The following ITSN2 variants were observed in gnomAD, a reference collection of about 807,000 sequenced individuals.
The protein encoded by ITSN2 is intersectin 2, also known as intersectin-2.
Under a neutral mutation model 243.7 loss-of-function variants are expected in ITSN2, and 156 were observed. The ratio of observed to expected loss-of-function variants is 0.64; its 90% CI spans 0.56 to 0.73. The LOEUF (loss-of-function observed/expected upper bound fraction) is 0.73, where lower values mean the gene tolerates loss of function less well. Among genes scored for constraint, ITSN2 ranks in the 30% least tolerant of loss-of-function variants. ITSN2 has a pLI of 0.00. For missense variants in ITSN2, 1,801 were observed against 1,996.1 expected, an observed-to-expected ratio of 0.90 and a Z score of 1.86; for synonymous variants, 703 against 699.9, an observed-to-expected ratio of 1.00 and a Z score of -0.07.
chr2:24,292,637 T>G (rs926135114), intron 15 of ITSN2, among the ~76,000 whole-genome samples: 1 of 152,214 alleles, frequency 6.6e-6, no homozygotes, highest in Non-Finnish European at 1.5e-5. Flanking sequence ...GAGCTCAAGT[T>G]AAAGACCTAG....
intron 1 of ITSN2, among the ~76,000 whole-genome samples, chr2:24,342,246 G>A (rs1287946440): frequency 6.6e-6 from 1 of 151,976 alleles, no homozygotes; most frequent in Non-Finnish European, 1.5e-5. Flanking sequence ...TGCCAAGGCT[G>A]GAGTGCAGTG....
intron 1 of ITSN2, among the ~76,000 whole-genome samples, chr2:24,348,190 ATTTTTTT>A (rs67272042): frequency 9.2e-5 from 9 of 97,756 alleles, no homozygotes; most frequent in Admixed American, 1.2e-4. Flanking sequence ...AAATACTATG[ATTTTTTT>A]TTTTTTTTTT....
At chr2:24,214,480 A>C (rs1211312546) in intron 32 of ITSN2, 2 of 152,060 alleles carry the variant, frequency 1.3e-5, no homozygotes, top group Non-Finnish European at 2.9e-5. Flanking sequence ...AAGATTTTCT[A>C]TTTTTAAAAG....
intron 29 of ITSN2, among the ~76,000 whole-genome samples, chr2:24,243,615 T>C (rs564441408): frequency 6.6e-6 from 1 of 152,232 alleles, no homozygotes; most frequent in Admixed American, 6.5e-5. Flanking sequence ...TATAGGGATA[T>C]GCCACCACAC....
chr2:24,344,649 A>G (rs2151917198), intron 1 of ITSN2, among the ~76,000 whole-genome samples: 1 of 152,340 alleles, frequency 6.6e-6, no homozygotes, highest in Non-Finnish European at 1.5e-5. Context: ...TCTAGTAGCC[A>G]CATTTTAAAA....
chr2:24,220,232 G>A, intron 30 of ITSN2: 1 of 731,620 alleles, frequency 1.4e-6, no homozygotes, highest in Non-Finnish European at 1.7e-6. Flanking sequence ...GGGGACGCCT[G>A]TTCTTTTCAG....
chr2:24,275,120 T>C (rs903372049), intron 18 of ITSN2, among the ~76,000 whole-genome samples: 1 of 152,254 alleles, frequency 6.6e-6, no homozygotes, highest in South Asian at 2.1e-4. Context: ...ATTCTGCTTT[T>C]ATGATCTTTC....
intron 1 of ITSN2, among the ~76,000 whole-genome samples, chr2:24,331,404 C>T (rs182651132): frequency 1.9e-3 from 295 of 151,700 alleles, no homozygotes; most frequent in African/African-American, 6.7e-3. Context: ...ATGTTGTTAG[C>T]ACACAGAACA....
chr2:24,260,409 A>T (rs187757287), intron 22 of ITSN2, among the ~76,000 whole-genome samples: 72 of 151,984 alleles, frequency 4.7e-4, no homozygotes, highest in South Asian at 3.5e-3. Context: ...GTTATATCTA[A>T]ATCAGAGGCT....
chr2:24,282,011 G>C (rs1678844024), intron 17 of ITSN2, among the ~76,000 whole-genome samples: 2 of 152,184 alleles, frequency 1.3e-5, no homozygotes, highest in Admixed American at 1.3e-4. Context: ...GTACTGGGTA[G>C]AGAAAGGCGG....
In ITSN2 at chr2:24,252,527, C is replaced by A. The variant is rs1389040415; in HGVS notation, c.2954-16G>T. 8.3e-6 allele frequency: 13 copies of A among 1,567,616 alleles called. No individual in the cohort carries two copies. Among genetic ancestry groups the A allele is most frequent in the Middle Eastern group, 1.7e-4 (1 of 5,884 alleles). The stretch of plus-strand genomic sequence containing the variant: ...GCAATATATTCTGTAGGGAACAAAG[C>A]AAAAAGAAGTAGATTCTGGTTTTAA... On this transcript the variant is annotated splice_polypyrimidine_tract_variant and intron_variant, in intron 24 of 39. Coordinates refer to ENST00000355123, the MANE Select transcript of ITSN2 (RefSeq NM_006277.3).
At chr2:24,303,627 C>T (rs1235814091) in intron 9 of ITSN2, among the ~76,000 whole-genome samples, 172 bp downstream of exon 9, 1 of 152,188 alleles carries the variant, frequency 6.6e-6, no homozygotes, top group African/African-American at 2.4e-5. Context: ...ACATTCTGCA[C>T]AATTACATTT....
In ITSN2 at chr2:24,252,444, T is replaced by C. The variant is rs1428382005; in HGVS notation, c.3021A>G (p.Glu1007=). 6.2e-7 allele frequency: 1 copy of C among 1,612,666 alleles called. No individual in the cohort carries two copies. Among genetic ancestry groups the C allele is most frequent in the Non-Finnish European group, 8.5e-7 (1 of 1,178,772 alleles). ...PGDLTFTEGE[E]ILVTQKDGEW... ...CTCCATCTTTCTGGGTCACCAATAT[T>C]TCTTCACCTTCTGTGAAAGTCAAAT... The change falls in exon 25 of 40, where the codon GAA becomes GAG. Residue 1007 remains glutamate (E), a synonymous_variant. Transcript: ENST00000355123.
In ITSN2 at chr2:24,328,132, T is replaced by C; in HGVS notation, c.-33-17A>G. On this transcript the variant is annotated splice_polypyrimidine_tract_variant and intron_variant, in intron 1 of 39. Transcript: ENST00000355123. ...CTCAGCCATCTGCAACATAAAAATA[T>C]TGTGCCGTTGATAATACAACAAGGG... The C allele has an allele frequency of 2.5e-6, 4 of 1,595,690 alleles. No homozygotes were observed. Among genetic ancestry groups the C allele is most frequent in the Non-Finnish European group, 2.6e-6 (3 of 1,163,926 alleles).
intron 17 of ITSN2, among the ~76,000 whole-genome samples, chr2:24,282,197 C>T (rs949348314): frequency 2.0e-5 from 3 of 152,154 alleles, no homozygotes; most frequent in Non-Finnish European, 4.4e-5. Flanking sequence ...AGTGGCTGGA[C>T]GTCATGAGGA....
intron 16 of ITSN2, 59 bp downstream of exon 16, chr2:24,286,153 C>A: frequency 2.0e-6 from 2 of 994,546 alleles, no homozygotes; most frequent in African/African-American, 1.6e-5. Flanking sequence ...TCTATTAAAT[C>A]AAAATAATGA....
chr2:24,315,265 A>G (rs1396657555), intron 2 of ITSN2, 41 bp from the exon 3 acceptor site: 2 of 1,050,018 alleles, frequency 1.9e-6, no homozygotes, highest in African/African-American at 1.6e-5. Flanking sequence ...ATACATGAGA[A>G]TGCTTAAAAT....
rs199779306 is a variant in ITSN2 at position 24,298,745 on chromosome 2, T to G, written c.1414A>C (p.Asn472His). 25 of 1,612,646 alleles carry G rather than the reference T, an allele frequency of 1.6e-5. No homozygotes were observed. Among genetic ancestry groups the G allele is most frequent in the Non-Finnish European group, 2.1e-5 (25 of 1,179,020 alleles). ...WERIRRQELL[N>H]QKNREQEEIV... ...TCTTCTTGTTCTCTATTCTTTTGAT[T>G]GAGAAGCTCCTGTCGCCGAATTCTC... Residue 472 changes from asparagine (N) to histidine (H), a missense_variant, in exon 13 of 40, where the codon AAT becomes CAT. This residue lies in a region of ITSN2 where 787 missense variants were observed against 803.9 expected (regional missense o/e 0.98). Coordinates refer to ENST00000355123, the MANE Select transcript of ITSN2 (RefSeq NM_006277.3).
intron 1 of ITSN2, among the ~76,000 whole-genome samples, chr2:24,359,521 G>A (rs192003098): frequency 1.2e-3 from 179 of 152,226 alleles, no homozygotes; most frequent in Middle Eastern, 3.4e-3. Context: ...ATTCTAGAGC[G>A]ACAAGGCGCA....
Sources: gnomAD v4.1 joint callset for allele counts (sites outside exome capture counted in the v4.1 genomes callset) on GRCh38, gnomAD v4.1.1 for gene constraint, gnomAD v4.1.1 regional missense constraint, MANE v1.5 for transcripts, NCBI Gene and HGNC (gene_info 2026-07-23, HGNC 2026-07-21) for gene names.